CLNK: variants seen among roughly 807,000 people sequenced by gnomAD.
The protein encoded by CLNK is cytokine dependent hematopoietic cell linker.
A neutral mutation model predicts 68.6 loss-of-function variants in CLNK; 74 were observed. The observed-to-expected ratio is 1.08, with a 90% CI of 0.89 to 1.31. The LOEUF (loss-of-function observed/expected upper bound fraction) is 1.31. Among genes scored for constraint, CLNK ranks in the 50% most tolerant of loss-of-function variants. The probability of loss-of-function intolerance (pLI) is 0.00; values close to 1 mark genes in which losing one functional copy is unlikely to be tolerated. For missense variants in CLNK, 553 were observed against 515.3 expected (o/e 1.07, Z -0.71); for synonymous variants, 198 against 172.2 (o/e 1.15, Z -1.17).
At chr4:10,535,029 G>T (rs1334483624) in intron 11 of CLNK, among the ~76,000 whole-genome samples, 1 of 152,040 alleles carries the variant, frequency 6.6e-6, no homozygotes, top group Non-Finnish European at 1.5e-5. Context: ...TGTTTGAATT[G>T]ATGTGATGCC....
intron 2 of CLNK, among the ~76,000 whole-genome samples, chr4:10,643,218 C>T (rs115372333): frequency 1.2e-3 from 179 of 152,312 alleles, no homozygotes; most frequent in African/African-American, 4.2e-3. Flanking sequence ...CCTGTGATGG[C>T]TGCAGAGAAA....
intron 4 of CLNK, among the ~76,000 whole-genome samples, chr4:10,574,615 G>T (rs147999717): frequency 6.6e-6 from 1 of 151,890 alleles, no homozygotes; most frequent in Non-Finnish European, 1.5e-5. Context: ...AGACCCTCAC[G>T]CCACTCCCTT....
At chr4:10,726,562 A>G in the CLNK span, among the ~76,000 whole-genome samples, 1 of 150,608 alleles carries the variant, frequency 6.6e-6, no homozygotes, top group Non-Finnish European at 1.5e-5. Context: ...TTACACTCCT[A>G]GGTCCTGGAC....
intron 2 of CLNK, among the ~76,000 whole-genome samples, chr4:10,660,784 G>A (rs749278453): frequency 3.3e-5 from 5 of 152,108 alleles, no homozygotes; most frequent in Non-Finnish European, 7.4e-5. Flanking sequence ...ATTGAGTCTC[G>A]AAGCCAACCA....
At chr4:10,569,826 T>G (rs191328157) in intron 5 of CLNK, among the ~76,000 whole-genome samples, 1 of 152,348 alleles carries the variant, frequency 6.6e-6, no homozygotes, top group African/African-American at 2.4e-5. Context: ...TGGAGATGAC[T>G]AAACCCACCT....
chr4:10,661,831 T>C (rs556539890), intron 2 of CLNK, among the ~76,000 whole-genome samples: 1 of 152,196 alleles, frequency 6.6e-6, no homozygotes, highest in Admixed American at 6.5e-5. Flanking sequence ...CAGAAGGTAA[T>C]CAGCTCTTTA....
chr4:10,681,661 C>T (rs1172531723), intron 1 of CLNK, among the ~76,000 whole-genome samples: 1 of 152,174 alleles, frequency 6.6e-6, no homozygotes, highest in East Asian at 1.9e-4. Context: ...TTTGCTAATG[C>T]TTGTGGTGTA....
chr4:10,613,419 G>A (rs2041214), intron 2 of CLNK, among the ~76,000 whole-genome samples: 105,414 of 152,036 alleles, frequency 0.69, 37,465 homozygotes, highest in East Asian at 0.77. Flanking sequence ...TGAGGTCCAC[G>A]TGGCTGAACT....
At chr4:10,624,373 A>G (rs1482448670) in intron 2 of CLNK, among the ~76,000 whole-genome samples, 1 of 152,152 alleles carries the variant, frequency 6.6e-6, no homozygotes, top group African/African-American at 2.4e-5. Context: ...GCTCACTGCA[A>G]GCTCCGCCTC....
intron 15 of CLNK, among the ~76,000 whole-genome samples, chr4:10,513,832 AATT>A (rs772040482): frequency 7.6e-5 from 11 of 145,658 alleles, no homozygotes; most frequent in African/African-American, 1.5e-4. Flanking sequence ...TTTTTTTTTA[AATT>A]ATTATTATTA....
chr4:10,510,751 C>T (rs551059623), intron 16 of CLNK, among the ~76,000 whole-genome samples: 28 of 152,114 alleles, frequency 1.8e-4, no homozygotes, highest in Non-Finnish European at 3.7e-4. Flanking sequence ...GATAATAAGC[C>T]CTCTATCTAT....
chr4:10,559,004 C>A (rs193059109), intron 7 of CLNK, among the ~76,000 whole-genome samples: 1 of 152,066 alleles, frequency 6.6e-6, no homozygotes, highest in African/African-American at 2.4e-5. Context: ...CTTTTGAGGA[C>A]GGGACGACAA....
chr4:10,584,563 A>G (rs1178278435), intron 4 of CLNK, among the ~76,000 whole-genome samples: 2 of 152,208 alleles, frequency 1.3e-5, no homozygotes, highest in African/African-American at 2.4e-5. Flanking sequence ...TTTTGGGGGT[A>G]ACCAATTATA....
In CLNK at chr4:10,490,240, G is replaced by A; in HGVS notation, c.*227C>T. The A allele has an allele frequency of 2.5e-6, 1 of 399,386 alleles. No individual in the cohort carries two copies. Among genetic ancestry groups the A allele is most frequent in the Non-Finnish European group, 4.4e-6 (1 of 228,356 alleles). The allele number at this position is 399,386 out of a possible 1,614,324, so 24.7% of individuals were successfully genotyped here. Reference sequence around the variant, plus strand: ...AGTTTTTATTTTTATTTATTTTCCAGTGGCCAGTTACTAGAATGTTTTTAT... The same window carrying A: ...AGTTTTTATTTTTATTTATTTTCCAATGGCCAGTTACTAGAATGTTTTTAT... On this transcript the variant is annotated 3_prime_UTR_variant, in exon 19 of 19. Coordinates refer to ENST00000226951, the MANE Select transcript of CLNK (RefSeq NM_052964.4).
chr4:10,582,166 T>C (rs1025643953), intron 4 of CLNK, among the ~76,000 whole-genome samples: 1 of 152,228 alleles, frequency 6.6e-6, no homozygotes, highest in Non-Finnish European at 1.5e-5. Context: ...TATTTGTTTC[T>C]GTTCACGAAT....
At chr4:10,651,346 T>TA (rs1250942686) in intron 2 of CLNK, among the ~76,000 whole-genome samples, 1 of 152,066 alleles carries the variant, frequency 6.6e-6, no homozygotes, top group Non-Finnish European at 1.5e-5. Flanking sequence ...GGCACATACA[T>TA]ACCATGGAAT....
Position 10,525,933 on chromosome 4 carries a change from C to T in CLNK, c.650-11G>A, listed in dbSNP as rs1330224868. ...TCTGGTTATGAGGAACTATATAAAA[C>T]AGTGACATAATTTGGTCAGGTTGCA... is the stretch of plus-strand genomic sequence containing the variant. On this transcript the variant is annotated splice_polypyrimidine_tract_variant and intron_variant, in intron 13 of 18. Transcript: ENST00000226951. The T allele has an allele frequency of 3.3e-6, 5 of 1,527,234 alleles. No homozygotes were observed. The highest frequency in any genetic ancestry group is 3.9e-5 in the Admixed American group (2 of 50,938). The allele number at this position is 1,527,234 out of a possible 1,614,324, so 94.6% of individuals were successfully genotyped here.
chr4:10,609,836 T>C (rs899553388), intron 2 of CLNK, among the ~76,000 whole-genome samples: 1 of 152,104 alleles, frequency 6.6e-6, no homozygotes, highest in Non-Finnish European at 1.5e-5. Context: ...TTGAACCTGC[T>C]AATTTTACAA....
intron 2 of CLNK, among the ~76,000 whole-genome samples, chr4:10,633,409 T>C (rs4697763): frequency 0.32 from 48,773 of 152,180 alleles, 8,848 homozygotes; most frequent in African/African-American, 0.5. Context: ...GAGCATCTGA[T>C]GCAAGCACAG....
Sources: allele counts gnomAD v4.1 joint callset (sites outside exome capture counted in the v4.1 genomes callset), GRCh38; gene constraint gnomAD v4.1.1; transcripts MANE v1.5; gene names NCBI Gene and HGNC (gene_info 2026-07-23, HGNC 2026-07-21).